The following CYP39A1 variants were observed in gnomAD, a reference collection of about 807,000 sequenced individuals.
CYP39A1 encodes the protein cytochrome P450 family 39 subfamily A member 1.
A neutral mutation model predicts 58.1 loss-of-function variants in CYP39A1; 49 were observed. The observed-to-expected ratio is 0.84, with a 90% CI of 0.67 to 1.07. The LOEUF (loss-of-function observed/expected upper bound fraction) is 1.07, where lower values mean the gene tolerates loss of function less well. Ranked by LOEUF, CYP39A1 falls within the 50% of genes least tolerant of loss-of-function variation. CYP39A1 has a pLI of 0.00. For missense variants in CYP39A1, 531 were observed against 539.4 expected, an observed-to-expected ratio of 0.98 and a Z score of 0.16; for synonymous variants, 209 against 187.6, an observed-to-expected ratio of 1.11 and a Z score of -0.93.
chr6:46,586,680 T>G (rs900975278), intron 10 of CYP39A1, among the ~76,000 whole-genome samples: 3 of 152,050 alleles, frequency 2.0e-5, no homozygotes, highest in African/African-American at 7.2e-5. Flanking sequence ...CCTGCTATGC[T>G]CCAAGCCAAA....
At chr6:46,614,892 C>A (rs996421763) in intron 7 of CYP39A1, among the ~76,000 whole-genome samples, 87 of 152,280 alleles carry the variant, frequency 5.7e-4, no homozygotes, top group African/African-American at 2.0e-3. Context: ...CCACTGATGT[C>A]AAGTGCATTG....
chr6:46,557,286 T>C (rs1158321469), intron 10 of CYP39A1, among the ~76,000 whole-genome samples: 2 of 151,778 alleles, frequency 1.3e-5, no homozygotes, highest in African/African-American at 4.8e-5. Flanking sequence ...GTGAAACATT[T>C]TCAAATTTTT....
At chr6:46,567,345 T>C (rs538484441) in intron 10 of CYP39A1, among the ~76,000 whole-genome samples, 3 of 152,232 alleles carry the variant, frequency 2.0e-5, no homozygotes, top group African/African-American at 7.2e-5. Context: ...TCCATATATA[T>C]ATATATAACT....
intron 8 of CYP39A1, among the ~76,000 whole-genome samples, chr6:46,595,044 G>A (rs1156835899): frequency 1.3e-5 from 2 of 151,924 alleles, no homozygotes; most frequent in Admixed American, 1.3e-4. Flanking sequence ...CATACAAATG[G>A]CCAACAGGTA....
In CYP39A1 at chr6:46,652,632, C is replaced by G. The variant is rs1225222450; in HGVS notation, c.-50G>C. 2.7e-6 allele frequency: 4 copies of G among 1,490,350 alleles called. No individual in the cohort carries two copies. The highest frequency in any genetic ancestry group is 1.8e-4 in the Middle Eastern group (1 of 5,552). 92.3% of individuals were successfully genotyped at this position (1,490,350 alleles called of 1,614,324 possible). On this transcript the variant is annotated 5_prime_UTR_variant, in exon 1 of 12. Coordinates refer to ENST00000275016, the MANE Select transcript of CYP39A1 (RefSeq NM_016593.5). ...GCAGAAAAGTGTGAAACAGTCCTGC[C>G]GTCCCTTGCTTCTTTTCTGTGGGCT...
intron 6 of CYP39A1, among the ~76,000 whole-genome samples, chr6:46,628,458 G>A (rs1775449559): frequency 6.6e-6 from 1 of 152,188 alleles, no homozygotes; most frequent in Non-Finnish European, 1.5e-5. Flanking sequence ...TTGGTTTGGA[G>A]AAATCTTCTA....
chr6:46,642,876 T>C (rs997696661), intron 1 of CYP39A1, among the ~76,000 whole-genome samples: 2 of 152,128 alleles, frequency 1.3e-5, no homozygotes, highest in African/African-American at 4.8e-5. Flanking sequence ...CAAGTAGCGG[T>C]CTCAGTTTCT....
chr6:46,587,921 G>C, intron 9 of CYP39A1, 113 bp downstream of exon 9: 1 of 559,716 alleles, frequency 1.8e-6, no homozygotes, highest in Non-Finnish European at 3.0e-6. Context: ...TCTTAGTTAC[G>C]AGAGAAATAT....
Position 46,550,160 on chromosome 6 carries a change from C to T in CYP39A1, c.*206G>A, listed in dbSNP as rs1167314270. ...GATCATTTCCTATAAACCATGTATT[C>T]CGGTCTCTATATTACTGAGAGTGAT... On this transcript the variant is annotated 3_prime_UTR_variant, in exon 12 of 12. Coordinates refer to ENST00000275016, the MANE Select transcript of CYP39A1 (RefSeq NM_016593.5). 2 of 390,052 alleles carry T rather than the reference C, an allele frequency of 5.1e-6. No individual in the cohort carries two copies. Among genetic ancestry groups the T allele is most frequent in the Non-Finnish European group, 9.1e-6 (2 of 219,174 alleles). 24.2% of individuals were successfully genotyped at this position (390,052 alleles called of 1,614,324 possible).
At position 46,550,360 on chromosome 6, in the gene CYP39A1, C is replaced by A. The variant is rs200752694; in HGVS notation, c.*6G>T. On this transcript the variant is annotated 3_prime_UTR_variant, in exon 12 of 12. Coordinates refer to ENST00000275016, the MANE Select transcript of CYP39A1 (RefSeq NM_016593.5). The stretch of plus-strand genomic sequence containing the variant: ...AGGCCCTGGTCCTTGTGAGGCCCAA[C>A]AGATGTCATATTCTTTGTTTATATT... 2.5e-6 allele frequency: 4 copies of A among 1,612,300 alleles called. No homozygotes were observed. The highest frequency in any genetic ancestry group is 3.4e-6 in the Non-Finnish European group (4 of 1,179,164).
rs571782718 is a variant in CYP39A1 at position 46,558,785 on chromosome 6, C to T, written c.1251-4931G>A. 7.9e-5 allele frequency among the ~76,000 whole-genome samples: 12 copies of T among 152,204 alleles called. No individual in the cohort carries two copies. In the South Asian group the frequency reaches 2.3e-3, roughly 29 times the overall value. On this transcript the variant is annotated intron_variant, in intron 10 of 11. Transcript: ENST00000275016. ...GGCCGAGGTGGGTGGATTACTAGGT[C>T]ATGAGATTGAGACCAGCCTGACCAA...
At chr6:46,557,559 C>T (rs932749249) in intron 10 of CYP39A1, among the ~76,000 whole-genome samples, 1 of 150,234 alleles carries the variant, frequency 6.7e-6, no homozygotes, top group Admixed American at 6.6e-5. Flanking sequence ...AAGAGAATAG[C>T]TTGAACCAGG....
chr6:46,609,849 C>T (rs1273081621), intron 7 of CYP39A1, among the ~76,000 whole-genome samples: 3 of 152,172 alleles, frequency 2.0e-5, no homozygotes, highest in East Asian at 3.8e-4. Context: ...TCTTAAAAAA[C>T]TTTTATCTCT....
chr6:46,638,451 A>G (rs1776132634), intron 3 of CYP39A1, among the ~76,000 whole-genome samples: 1 of 152,202 alleles, frequency 6.6e-6, no homozygotes, highest in South Asian at 2.1e-4. Flanking sequence ...AATATAGTAC[A>G]TATCATCAAT....
At chr6:46,650,138 A>C (rs1038259442) in intron 1 of CYP39A1, among the ~76,000 whole-genome samples, 5 of 151,166 alleles carry the variant, frequency 3.3e-5, no homozygotes, top group African/African-American at 1.2e-4. Flanking sequence ...ACACACACAC[A>C]CATACACACA....
At chr6:46,626,376 A>G (rs941089678) in intron 6 of CYP39A1, among the ~76,000 whole-genome samples, 2 of 152,178 alleles carry the variant, frequency 1.3e-5, no homozygotes, top group Non-Finnish European at 2.9e-5. Context: ...AAGAGATTTC[A>G]TCTAGGAGAA....
At chr6:46,611,698 T>C (rs1207807707) in intron 7 of CYP39A1, among the ~76,000 whole-genome samples, 1 of 152,148 alleles carries the variant, frequency 6.6e-6, no homozygotes, top group Non-Finnish European at 1.5e-5. Flanking sequence ...GAATAAAGGA[T>C]ATAGTCCAAT....
At chr6:46,583,442 T>A in intron 10 of CYP39A1, 1 of 985,414 alleles carries the variant, frequency 1.0e-6, no homozygotes, top group Non-Finnish European at 1.2e-6. Context: ...TCCTCCACAC[T>A]GAAAACCCTC....
chr6:46,607,601 C>T (rs1773927528), intron 7 of CYP39A1, among the ~76,000 whole-genome samples: 1 of 151,962 alleles, frequency 6.6e-6, no homozygotes, highest in African/African-American at 2.4e-5. Flanking sequence ...GGGAAATAAT[C>T]CATGTTTTGC....
Sources: allele counts gnomAD v4.1 joint callset (sites outside exome capture counted in the v4.1 genomes callset), GRCh38; gene constraint gnomAD v4.1.1; transcripts MANE v1.5; gene names NCBI Gene and HGNC (gene_info 2026-07-23, HGNC 2026-07-21).